ZDHHC13: variants seen among roughly 807,000 people sequenced by gnomAD.
The protein encoded by ZDHHC13 is palmitoyltransferase ZDHHC13.
Under a neutral mutation model 86.0 loss-of-function variants are expected in ZDHHC13, and 85 were observed. The observed-to-expected ratio is 0.99, with a 90% confidence interval of 0.83 to 1.18. ZDHHC13 has a LOEUF of 1.18. Among genes scored for constraint, ZDHHC13 ranks in the 50% most tolerant of loss-of-function variants. The probability of loss-of-function intolerance (pLI) is 0.00; values close to 1 mark genes in which losing one functional copy is unlikely to be tolerated. For missense variants in ZDHHC13, 711 were observed against 730.2 expected, an observed-to-expected ratio of 0.97 and a Z score of 0.30; for synonymous variants, 263 against 246.4, an observed-to-expected ratio of 1.07 and a Z score of -0.63.
At chr11:19,157,549 C>T (rs1849792750) in intron 9 of ZDHHC13, among the ~76,000 whole-genome samples, 1 of 152,080 alleles carries the variant, frequency 6.6e-6, no homozygotes, top group South Asian at 2.1e-4. Context: ...TAGCAAAATG[C>T]CTAAAATTGT....
chr11:19,137,124 A>G (rs1590067445), intron 1 of ZDHHC13, among the ~76,000 whole-genome samples: 1 of 152,212 alleles, frequency 6.6e-6, no homozygotes, highest in Non-Finnish European at 1.5e-5. Flanking sequence ...AGACTGGCAA[A>G]TTGGATAAAG....
chr11:19,128,844 C>T (rs902431769), intron 1 of ZDHHC13, among the ~76,000 whole-genome samples: 3 of 152,136 alleles, frequency 2.0e-5, no homozygotes, highest in African/African-American at 7.2e-5. Context: ...TTTCTAGGGA[C>T]AGTTATATAT....
chr11:19,119,688 T>C (rs1323180764), intron 1 of ZDHHC13, among the ~76,000 whole-genome samples: 3 of 152,250 alleles, frequency 2.0e-5, no homozygotes, highest in Admixed American at 2.0e-4. Context: ...AACGTACTTA[T>C]TGGTCTTGTT....
At chr11:19,136,007 G>C (rs1156578511) in intron 1 of ZDHHC13, among the ~76,000 whole-genome samples, 1 of 152,232 alleles carries the variant, frequency 6.6e-6, no homozygotes, top group Non-Finnish European at 1.5e-5. Flanking sequence ...ACTCTGAAAA[G>C]CAGAGCGCCT....
chr11:19,141,722 T>C (rs894218252), intron 1 of ZDHHC13, among the ~76,000 whole-genome samples: 1 of 151,040 alleles, frequency 6.6e-6, no homozygotes, highest in African/African-American at 2.4e-5. Flanking sequence ...GGTTTTCTGC[T>C]AAGGTCTAAG....
At chr11:19,146,151 T>C in intron 2 of ZDHHC13, 30 bp from the exon 3 acceptor site, 1 of 1,533,942 alleles carries the variant, frequency 6.5e-7, no homozygotes, top group Non-Finnish European at 8.8e-7. Flanking sequence ...TTTAATTGTA[T>C]CAATTATGCT....
Position 19,135,095 on chromosome 11 carries a change from T to C in ZDHHC13, c.28-7883T>C, listed in dbSNP as rs150672106. 6.8e-3 allele frequency among the ~76,000 whole-genome samples: 1,042 copies of C among 152,294 alleles called. 9 individuals carry two copies. The highest frequency in any genetic ancestry group is 0.024 in the African/African-American group (983 of 41,570). On this transcript the variant is annotated intron_variant, in intron 1 of 16. Transcript: ENST00000446113. ...CAAGATGGCCGAATAGGAACAGCTC[T>C]GGTCTACAGCTCCCAGCGCGAGCGA...
rs931033866 is a variant in ZDHHC13, at chr11:19,117,363, T to C, written c.27+87T>C. 4 of 1,309,640 alleles carry C rather than the reference T, an allele frequency of 3.1e-6. No homozygotes were observed. The highest frequency in any genetic ancestry group is 4.0e-6 in the Non-Finnish European group (4 of 1,005,776). The allele number at this position is 1,309,640 out of a possible 1,614,324, so 81.1% of individuals were successfully genotyped here. On this transcript the variant is annotated intron_variant, in intron 1 of 16. Transcript: ENST00000446113. The surrounding 1 kb of genome is among the most constrained non-coding windows in gnomAD (Gnocchi z 4.2). Reference sequence around the variant, plus strand: ...AAGGATGGTGTGGGTGAGAGGCCGCTCGATGAGGGGGTTTCGGGAGCGGCG... The same window carrying C: ...AAGGATGGTGTGGGTGAGAGGCCGCCCGATGAGGGGGTTTCGGGAGCGGCG...
At chr11:19,130,971 T>G (rs537307770) in intron 1 of ZDHHC13, among the ~76,000 whole-genome samples, 1 of 151,228 alleles carries the variant, frequency 6.6e-6, no homozygotes, top group East Asian at 2.0e-4. Flanking sequence ...TCAGCCTCCC[T>G]AGTAGCTGGG....
chr11:19,154,579 G>A (rs1849705698), intron 8 of ZDHHC13, among the ~76,000 whole-genome samples: 1 of 152,134 alleles, frequency 6.6e-6, no homozygotes, highest in Admixed American at 6.6e-5. Context: ...CAAACATGGG[G>A]CCCAGCTTCA....
intron 1 of ZDHHC13, among the ~76,000 whole-genome samples, chr11:19,119,394 C>T (rs1056384699): frequency 1.3e-5 from 2 of 152,110 alleles, no homozygotes; most frequent in Non-Finnish European, 2.9e-5. Context: ...CGTGAGCCAC[C>T]GCTCCCAGCC....
Position 19,129,821 on chromosome 11 carries a change from G to A in ZDHHC13, c.27+12545G>A, listed in dbSNP as rs951945941. Among the ~76,000 whole-genome samples the A allele has an allele frequency of 3.9e-5, 6 of 152,164 alleles. No individual in the cohort carries two copies. In the East Asian group the frequency reaches 1.2e-3, roughly 29 times the overall value. On this transcript the variant is annotated intron_variant, in intron 1 of 16. Coordinates refer to ENST00000446113, the MANE Select transcript of ZDHHC13 (RefSeq NM_019028.3). Reference sequence around the variant, plus strand: ...ATAAAATGAGCTGGGGGCCGGGTGCGGTCGCTCACACCTGTAATCCCAGCA... The same window carrying A: ...ATAAAATGAGCTGGGGGCCGGGTGCAGTCGCTCACACCTGTAATCCCAGCA...
chr11:19,134,849 A>G (rs1849090176), intron 1 of ZDHHC13, among the ~76,000 whole-genome samples: 1 of 151,980 alleles, frequency 6.6e-6, no homozygotes, highest in South Asian at 2.1e-4. Flanking sequence ...CAGAACTTAA[A>G]GCATAATAAA....
chr11:19,126,342 C>CT (rs10629803), intron 1 of ZDHHC13, among the ~76,000 whole-genome samples: 7,015 of 135,460 alleles, frequency 0.052, 337 homozygotes, highest in East Asian at 0.22. Flanking sequence ...TTTTCTTTTT[C>CT]TTTTTTTTTT....
chr11:19,134,482 A>T (rs1189552582), intron 1 of ZDHHC13, among the ~76,000 whole-genome samples: 1 of 152,252 alleles, frequency 6.6e-6, no homozygotes, highest in African/African-American at 2.4e-5. Context: ...GACAGACTGG[A>T]TAAAGAAAAT....
chr11:19,147,731 T>C (rs956608555), intron 4 of ZDHHC13, 58 bp downstream of exon 4: 2 of 1,244,376 alleles, frequency 1.6e-6, no homozygotes, highest in Admixed American at 2.2e-5. Context: ...GGTCACCATA[T>C]AAAAAATCAG....
intron 10 of ZDHHC13, among the ~76,000 whole-genome samples, chr11:19,159,248 C>T (rs1316542495): frequency 6.6e-6 from 1 of 152,000 alleles, no homozygotes; most frequent in Non-Finnish European, 1.5e-5. Context: ...CAGTAAGTAT[C>T]TAGTATTTAT....
rs114456327 is a variant in ZDHHC13 at position 19,141,706 on chromosome 11, C to T, written c.28-1272C>T. 6.8e-3 allele frequency among the ~76,000 whole-genome samples: 1,019 copies of T among 149,842 alleles called. 9 individuals are homozygous for T. The highest frequency in any genetic ancestry group is 0.024 in the African/African-American group (960 of 40,834). ...TTTTTTTTTTAACATTAGCGAACCC[C>T]GTATTGGTTTTCTGCTAAGGTCTAA... On this transcript the variant is annotated intron_variant, in intron 1 of 16. Transcript: ENST00000446113.
At position 19,143,069 on chromosome 11, in the gene ZDHHC13, A is replaced by C. The variant is rs750023488; in HGVS notation, c.119A>C (p.Glu40Ala). 6.2e-7 allele frequency: 1 copy of C among 1,613,366 alleles called. No individual in the cohort carries two copies. The highest frequency in any genetic ancestry group is 8.5e-7 in the Non-Finnish European group (1 of 1,179,594). ...HENKELANAR[E>A]ALPLIEDSSN... ...AACAAAGAACTTGCCAATGCAAGAG[A>C]AGCTCTTCCTCTTATAGAGGACTCT... Residue 40 changes from glutamate (E) to alanine (A), a missense_variant, in exon 2 of 17, where the codon GAA becomes GCA. Physicochemically the swap from Glu to Ala is moderately radical, Grantham distance 107. Transcript: ENST00000446113.
Sources: allele counts gnomAD v4.1 joint callset (sites outside exome capture counted in the v4.1 genomes callset), GRCh38; gene constraint gnomAD v4.1.1; non-coding constraint Gnocchi (gnomAD v3.1); transcripts MANE v1.5; gene names NCBI Gene and HGNC (gene_info 2026-07-23, HGNC 2026-07-21).